The following RAD51 variants were observed in gnomAD, a reference collection of about 807,000 sequenced individuals.
RAD51 encodes the protein DNA repair protein RAD51 homolog 1.
Under a neutral mutation model 41.5 loss-of-function variants are expected in RAD51, and 14 were observed. That is an observed-to-expected ratio of 0.34 (90% CI 0.22 to 0.53). The LOEUF (loss-of-function observed/expected upper bound fraction) is 0.53, where lower values mean the gene tolerates loss of function less well. Among genes scored for constraint, RAD51 ranks in the 20% least tolerant of loss-of-function variants. RAD51 has a pLI of 0.95. For synonymous variants in RAD51, 136 were observed against 148.6 expected (o/e 0.92, Z 0.62); for missense variants, 234 against 422.0 (o/e 0.55, Z 3.90).
intron 1 of RAD51, among the ~76,000 whole-genome samples, chr15:40,697,561 C>T (rs1272970689): frequency 6.9e-6 from 1 of 144,142 alleles, no homozygotes; most frequent in Non-Finnish European, 1.5e-5. Context: ...TTATGAGATA[C>T]AAGATGATAT....
intron 6 of RAD51, 70 bp from the exon 7 acceptor site, chr15:40,728,639 AGT>A (rs1896711554): frequency 7.6e-6 from 9 of 1,191,296 alleles, no homozygotes; most frequent in Non-Finnish European, 1.0e-5. Context: ...AGGTAATTTA[AGT>A]GTCAGAAACA....
intron 2 of RAD51, 117 bp from the exon 3 acceptor site, chr15:40,700,947 A>G (rs774612378): frequency 1.5e-5 from 18 of 1,199,116 alleles, no homozygotes; most frequent in Middle Eastern, 2.4e-4. Flanking sequence ...AAGGATTTCA[A>G]GGGACAGTTG....
At chr15:40,725,608 A>G (rs1443062307) in intron 6 of RAD51, among the ~76,000 whole-genome samples, 2 of 152,164 alleles carry the variant, frequency 1.3e-5, no homozygotes, top group East Asian at 3.9e-4. Context: ...TTACTTGAGA[A>G]CTTGTTAGAA....
Position 40,731,212 on chromosome 15 carries a change from G to A in RAD51, c.*34G>A. On this transcript the variant is annotated 3_prime_UTR_variant, in exon 10 of 10. Transcript: ENST00000267868. ...GTTTTTCCTCTGTTAAAAACCTTAA[G>A]TGCTGCAGCCTAATGAGAGTGCACT... 6.2e-7 allele frequency: 1 copy of A among 1,613,648 alleles called. No homozygotes were observed. Among genetic ancestry groups the A allele is most frequent in the East Asian group, 2.2e-5 (1 of 44,856 alleles).
chr15:40,727,325 T>C (rs975527215), intron 6 of RAD51, among the ~76,000 whole-genome samples: 2 of 152,076 alleles, frequency 1.3e-5, no homozygotes, highest in African/African-American at 2.4e-5. Flanking sequence ...TTGTTTGTTT[T>C]TGAGACAGAG....
chr15:40,724,827 C>T (rs1356067694), intron 6 of RAD51, among the ~76,000 whole-genome samples: 32 of 148,998 alleles, frequency 2.1e-4, no homozygotes, highest in East Asian at 7.8e-4. Context: ...TACAGGCTTC[C>T]GCCACCACAC....
chr15:40,705,655 A>C (rs1045766417), intron 3 of RAD51, among the ~76,000 whole-genome samples: 2 of 152,132 alleles, frequency 1.3e-5, no homozygotes, highest in African/African-American at 4.8e-5. Flanking sequence ...CCCAGGCTGG[A>C]GTACAGTGGC....
chr15:40,725,771 T>A (rs2141873330), intron 6 of RAD51, among the ~76,000 whole-genome samples: 1 of 152,208 alleles, frequency 6.6e-6, no homozygotes, highest in East Asian at 1.9e-4. Context: ...GTGGATCACC[T>A]AAGGTCAGGA....
At chr15:40,710,105 G>A (rs752581291) in intron 5 of RAD51, among the ~76,000 whole-genome samples, 136 of 151,872 alleles carry the variant, frequency 9.0e-4, no homozygotes, top group Non-Finnish European at 1.6e-3. Flanking sequence ...AGTTGGGCGT[G>A]GTGGCGGGTG....
At chr15:40,706,594 C>T (rs910335203) in intron 4 of RAD51, among the ~76,000 whole-genome samples, 12 of 152,182 alleles carry the variant, frequency 7.9e-5, no homozygotes, top group Admixed American at 2.0e-4. Context: ...CATGCCTACT[C>T]GGGAGGCAGA....
chr15:40,727,167 G>A (rs975038938), intron 6 of RAD51, among the ~76,000 whole-genome samples: 1 of 151,420 alleles, frequency 6.6e-6, no homozygotes, highest in South Asian at 2.1e-4. Context: ...TTGCCATGTT[G>A]CCCAGGCTGG....
chr15:40,731,307 A>T lies in RAD51; in HGVS notation c.*129A>T. ...GGATAAAGCTTCCGGGAAAACAGCT[A>T]TTATATCAGCTTTTCTGATGGTATA... On this transcript the variant is annotated 3_prime_UTR_variant, in exon 10 of 10. Transcript: ENST00000267868. 1 of 1,256,380 alleles carries T rather than the reference A, an allele frequency of 8.0e-7. No individual in the cohort carries two copies. Among genetic ancestry groups the T allele is most frequent in the African/African-American group, 1.5e-5 (1 of 67,566 alleles). The allele number at this position is 1,256,380 out of a possible 1,614,324, so 77.8% of individuals were successfully genotyped here. A position where few individuals can be genotyped will look rare whatever the true frequency, so the allele number is the denominator to read the frequency against.
intron 2 of RAD51, among the ~76,000 whole-genome samples, chr15:40,700,799 C>CA (rs139437666): frequency 6.6e-6 from 1 of 151,690 alleles, no homozygotes; most frequent in African/African-American, 2.4e-5. Flanking sequence ...AACTACATAT[C>CA]AAAAAAAAGT....
At chr15:40,724,889 A>ATTTTTTTTTATTTTTTTTTT (rs1896491876) in intron 6 of RAD51, among the ~76,000 whole-genome samples, 1 of 55,410 alleles carries the variant, frequency 1.8e-5, no homozygotes, top group Non-Finnish European at 3.2e-5. Flanking sequence ...ATTTTTTTTA[A>ATTTTTTTTTATTTTTTTTTT]TTTTTTTTTT....
At position 40,702,816 on chromosome 15, in the gene RAD51, C is replaced by CTT. The variant is rs45541035; in HGVS notation, c.225+1630_225+1631dup. Reference sequence around the variant, plus strand: ...TACAGGCACTAGCCACTGTGCCCACCTTTTTTTTTTTTTTTTAAAGAAAAA... The same window carrying CTT: ...TACAGGCACTAGCCACTGTGCCCACCTTTTTTTTTTTTTTTTTTAAAGAAAAA... On this transcript the variant is annotated intron_variant, in intron 3 of 9. Transcript: ENST00000267868. Among the ~76,000 whole-genome samples the CTT allele has an allele frequency of 6.6e-3, 927 of 140,776 alleles. 12 individuals carry two copies. The highest frequency in any genetic ancestry group is 0.022 in the African/African-American group (860 of 38,332). 92.4% of individuals were successfully genotyped at this position (140,776 alleles called of 152,430 possible).
At chr15:40,716,422 A>G (rs1171434835) in intron 5 of RAD51, among the ~76,000 whole-genome samples, 1 of 151,736 alleles carries the variant, frequency 6.6e-6, no homozygotes, top group Admixed American at 6.6e-5. Context: ...ACTGGAGTGC[A>G]GTGGCATGAT....
At chr15:40,730,982 CT>C in intron 9 of RAD51, 72 bp from the exon 10 acceptor site, 3 of 1,599,108 alleles carry the variant, frequency 1.9e-6, no homozygotes, top group Non-Finnish European at 2.6e-6. Flanking sequence ...AAATTTTCAG[CT>C]CTGTTACAAA....
chr15:40,698,924 A>T (rs1894818507), intron 2 of RAD51, 79 bp downstream of exon 2: 1 of 1,411,608 alleles, frequency 7.1e-7, no homozygotes, highest in Non-Finnish European at 1.0e-6. Flanking sequence ...CTTTACATAA[A>T]ATATAGGTTT....
upstream of RAD51, chr15:40,694,744 G>C (rs114134304): frequency 6.6e-6 from 1 of 152,240 alleles, no homozygotes; most frequent in Non-Finnish European, 1.5e-5. Context: ...TGCATGCCGG[G>C]AGATGTAGTC....
Sources: gnomAD v4.1 joint callset for allele counts (sites outside exome capture counted in the v4.1 genomes callset) on GRCh38, gnomAD v4.1.1 for gene constraint, MANE v1.5 for transcripts, NCBI Gene and HGNC (gene_info 2026-07-23, HGNC 2026-07-21) for gene names.